The following SPG11 variants were observed in gnomAD, a reference collection of about 807,000 sequenced individuals.
SPG11 encodes SPG11 vesicle trafficking associated, spatacsin.
In SPG11, 222 loss-of-function variants were observed where a neutral mutation model predicts 274.0. The ratio of observed to expected loss-of-function variants is 0.81; its 90% CI spans 0.73 to 0.91. The LOEUF (loss-of-function observed/expected upper bound fraction) is 0.91, where lower values mean the gene tolerates loss of function less well. Ranked by LOEUF, SPG11 falls within the 40% of genes least tolerant of loss-of-function variation. The probability of loss-of-function intolerance (pLI) is 0.00; values close to 1 mark genes in which losing one functional copy is unlikely to be tolerated. For missense variants in SPG11, 3,114 were observed against 2,872.7 expected (o/e 1.08, Z -1.92); for synonymous variants, 1,144 against 1,039.7 (o/e 1.10, Z -1.93).
At position 44,562,722 on chromosome 15, in the gene SPG11, A is replaced by AAAGAT. The variant is rs886051173; in HGVS notation, c.*394_*398dup. The AAAGAT allele has an allele frequency of 2.9e-5, 5 of 169,834 alleles. No individual in the cohort carries two copies. The highest frequency in any genetic ancestry group is 1.2e-4 in the African/African-American group (5 of 41,698). 10.5% of individuals were successfully genotyped at this position (169,834 alleles called of 1,614,324 possible). ...GAATTGAAAATCTATTTTATTACAG[A>AAAGAT]AAGATCAGTTTCTAACAAATGAAAA... On this transcript the variant is annotated 3_prime_UTR_variant, in exon 40 of 40. Transcript: ENST00000261866.
Position 44,659,212 on chromosome 15 carries a change from AAATAT to A in SPG11, c.529_533del (p.Ile177SerfsTer2), listed in dbSNP as rs312262716. ...CTCTAATTGCAGCATCTCTTTCAGG[AAATAT>A]AATATGTAGGATGACACATTTGTTG... On this transcript the variant is annotated frameshift_variant, in exon 3 of 40. Transcript: ENST00000261866. LOFTEE classifies it high-confidence loss of function. 2.5e-6 allele frequency: 4 copies of A among 1,614,088 alleles called. No homozygotes were observed. Among genetic ancestry groups the A allele is most frequent in the African/African-American group, 1.3e-5 (1 of 74,944 alleles).
At chr15:44,602,585 T>C (rs2083223037) in intron 20 of SPG11, among the ~76,000 whole-genome samples, 1 of 151,938 alleles carries the variant, frequency 6.6e-6, no homozygotes, top group Non-Finnish European at 1.5e-5. Flanking sequence ...TTCACGCCAT[T>C]CTCCTGCCTC....
rs190227684 is a variant in SPG11 at position 44,598,222 on chromosome 15, A to G, written c.4001+43T>C. On this transcript the variant is annotated intron_variant, in intron 23 of 39. Transcript: ENST00000261866. ...AAACTAGGCAAACACAGGTTGGCAC[A>G]ATAAGCTTGTTAGAAAAGAGGCTGA... 5.0e-3 allele frequency: 7,378 copies of G among 1,488,086 alleles called. 28 individuals are homozygous for G. Among genetic ancestry groups the G allele is most frequent in the Non-Finnish European group, 6.1e-3 (6,471 of 1,065,624 alleles). 92.2% of individuals were successfully genotyped at this position (1,488,086 alleles called of 1,614,324 possible).
chr15:44,651,850 A>C lies in SPG11; in HGVS notation c.1097T>G (p.Ile366Ser), dbSNP rs2084790037. 1.2e-6 allele frequency: 2 copies of C among 1,613,964 alleles called. No individual in the cohort carries two copies. The highest frequency in any genetic ancestry group is 2.7e-5 in the African/African-American group (2 of 75,034). Residue 366 changes from isoleucine (I) to serine (S), a missense_variant, in exon 6 of 40, where the codon ATT becomes AGT. Coordinates refer to ENST00000261866, the MANE Select transcript of SPG11 (RefSeq NM_025137.4). ...VSCCAPWFQDILHLESPESGN... is the reference protein window; with the variant it reads ...VSCCAPWFQDSLHLESPESGN... Reference sequence around the variant, plus strand: ...AGATTCAGGTGACTCCAAATGCAAAATATCCTGGAACCATGGAGCACAACA... The same window carrying C: ...AGATTCAGGTGACTCCAAATGCAAACTATCCTGGAACCATGGAGCACAACA...
intron 29 of SPG11, 62 bp from the exon 30 acceptor site, chr15:44,584,620 A>G: frequency 6.4e-7 from 1 of 1,569,800 alleles, no homozygotes; most frequent in East Asian, 2.2e-5. Flanking sequence ...ATAAATGCTA[A>G]TGTTCCCTAA....
chr15:44,562,696 T>C lies in SPG11; in HGVS notation c.*425A>G, dbSNP rs1344629970. 6.0e-6 allele frequency: 1 copy of C among 166,188 alleles called. No individual in the cohort carries two copies. Among genetic ancestry groups the C allele is most frequent in the Admixed American group, 5.8e-5 (1 of 17,102 alleles). 10.3% of individuals were successfully genotyped at this position (166,188 alleles called of 1,614,324 possible). On this transcript the variant is annotated 3_prime_UTR_variant, in exon 40 of 40. Coordinates refer to ENST00000261866, the MANE Select transcript of SPG11 (RefSeq NM_025137.4). ...CCTTAGCAGTAATAATGACATACAC[T>C]GAATTGAAAATCTATTTTATTACAG...
chr15:44,658,603 C>T (rs1439510010), intron 3 of SPG11, among the ~76,000 whole-genome samples: 1 of 152,028 alleles, frequency 6.6e-6, no homozygotes, highest in Non-Finnish European at 1.5e-5. Context: ...GGATTACAGG[C>T]ATGCACCACC....
chr15:44,588,497 T>C (rs762477382), intron 28 of SPG11: 38 of 160,958 alleles, frequency 2.4e-4, no homozygotes, highest in Admixed American at 7.7e-4. Flanking sequence ...ATAGGAAATA[T>C]TATATAAGAA....
chr15:44,594,326 T>C (rs1458660967), intron 26 of SPG11, among the ~76,000 whole-genome samples: 1 of 151,776 alleles, frequency 6.6e-6, no homozygotes, highest in Non-Finnish European at 1.5e-5. Context: ...CTCGGGAGGC[T>C]GAGGCAGGAG....
At chr15:44,570,428 C>A in intron 34 of SPG11, 97 bp downstream of exon 34, 3 of 1,499,398 alleles carry the variant, frequency 2.0e-6, no homozygotes, top group Non-Finnish European at 2.7e-6. Context: ...TGGGCAGAAC[C>A]CCCTACGACT....
chr15:44,631,022 G>A (rs2084045880), intron 8 of SPG11, among the ~76,000 whole-genome samples: 2 of 152,118 alleles, frequency 1.3e-5, no homozygotes, highest in Admixed American at 6.6e-5. Flanking sequence ...CTCCATGTAA[G>A]CAGACTACAA....
At chr15:44,597,158 G>C (rs1221383916) in intron 23 of SPG11, 4 of 455,068 alleles carry the variant, frequency 8.8e-6, no homozygotes, top group African/African-American at 8.5e-5. Flanking sequence ...TTGTTGCCTA[G>C]GCTGGAGTAC....
intron 19 of SPG11, among the ~76,000 whole-genome samples, chr15:44,606,728 CA>C (rs893279757): frequency 6.6e-5 from 10 of 152,028 alleles, no homozygotes; most frequent in African/African-American, 2.4e-4. Context: ...TTGGATGGCC[CA>C]AAATAGAGTA....
chr15:44,610,727 T>C, intron 18 of SPG11, 113 bp downstream of exon 18: 4 of 1,117,980 alleles, frequency 3.6e-6, no homozygotes, highest in Non-Finnish European at 5.3e-6. Context: ...TTTAATCTAA[T>C]GAAATACTTG....
chr15:44,643,584 T>C (rs763919718), intron 7 of SPG11, among the ~76,000 whole-genome samples: 41 of 152,222 alleles, frequency 2.7e-4, no homozygotes, highest in Non-Finnish European at 5.6e-4. Context: ...ATAAAAGTCT[T>C]GTAAGAATAA....
At chr15:44,622,494 T>C (rs2083781485) in intron 12 of SPG11, 147 bp from the exon 13 acceptor site, 3 of 791,010 alleles carry the variant, frequency 3.8e-6, no homozygotes, top group Non-Finnish European at 4.0e-6. Flanking sequence ...AAGAATTATA[T>C]TTTGAACATT....
intron 7 of SPG11, among the ~76,000 whole-genome samples, chr15:44,638,561 A>G (rs1459400057): frequency 6.7e-6 from 1 of 149,908 alleles, no homozygotes; most frequent in East Asian, 2.0e-4. Context: ...TTAAGTATGT[A>G]CATTATATTT....
intron 8 of SPG11, among the ~76,000 whole-genome samples, chr15:44,632,087 C>A (rs1367462641): frequency 6.6e-6 from 1 of 151,794 alleles, no homozygotes; most frequent in East Asian, 1.9e-4. Context: ...GGAATTACAG[C>A]CATGAGCCAC....
chr15:44,624,341 AAGAG>A (rs898580770), intron 11 of SPG11, among the ~76,000 whole-genome samples: 3 of 151,792 alleles, frequency 2.0e-5, no homozygotes, highest in South Asian at 2.1e-4. Flanking sequence ...AGAAAAAAAA[AAGAG>A]AGAGAGAGAG....
Sources: gnomAD v4.1 joint callset for allele counts (sites outside exome capture counted in the v4.1 genomes callset) on GRCh38, gnomAD v4.1.1 for gene constraint, MANE v1.5 for transcripts, NCBI Gene and HGNC (gene_info 2026-07-23, HGNC 2026-07-21) for gene names.